NRG3: variants seen among roughly 807,000 people sequenced by gnomAD.
NRG3 encodes pro-neuregulin-3, membrane-bound isoform.
In NRG3, 31 loss-of-function variants were observed where a neutral mutation model predicts 66.9. The ratio of observed to expected loss-of-function variants is 0.46; its 90% CI spans 0.35 to 0.63. The LOEUF (loss-of-function observed/expected upper bound fraction) is 0.63, where lower values mean the gene tolerates loss of function less well. NRG3 is among the 20% of genes least tolerant of loss of function. The pLI is 0.00. For synonymous variants in NRG3, 393 were observed against 359.4 expected, an observed-to-expected ratio of 1.09 and a Z score of -1.06; for missense variants, 910 against 878.9, an observed-to-expected ratio of 1.04 and a Z score of -0.45.
intron 1 of NRG3, among the ~76,000 whole-genome samples, chr10:82,266,464 C>G (rs2078301923): frequency 6.6e-6 from 1 of 152,098 alleles, no homozygotes; most frequent in Non-Finnish European, 1.5e-5. Flanking sequence ...GAAGACAAGC[C>G]TCAATAACTT....
chr10:82,032,411 T>TG (rs35655299), intron 1 of NRG3, among the ~76,000 whole-genome samples: 50 of 150,748 alleles, frequency 3.3e-4, no homozygotes, highest in African/African-American at 9.0e-4. Flanking sequence ...TTGTTGTTGT[T>TG]TTTTCTAATG....
At chr10:81,890,598 C>G (rs377021683) in intron 1 of NRG3, among the ~76,000 whole-genome samples, 9 of 152,296 alleles carry the variant, frequency 5.9e-5, no homozygotes, top group East Asian at 3.9e-4. Flanking sequence ...ACTCTCAGCT[C>G]CCTGGTATTC....
At chr10:82,112,681 A>G (rs2067459141) in intron 1 of NRG3, among the ~76,000 whole-genome samples, 1 of 152,138 alleles carries the variant, frequency 6.6e-6, no homozygotes, top group Admixed American at 6.6e-5. Context: ...GGATCTTACA[A>G]ATTTAGGTGA....
At chr10:82,603,080 G>T (rs1012547710) in intron 2 of NRG3, among the ~76,000 whole-genome samples, 1 of 152,172 alleles carries the variant, frequency 6.6e-6, no homozygotes, top group East Asian at 1.9e-4. Context: ...TGGAAGATGT[G>T]TTATTGTTTT....
chr10:82,672,908 C>A (rs181925119), intron 2 of NRG3, among the ~76,000 whole-genome samples: 1 of 152,302 alleles, frequency 6.6e-6, no homozygotes, highest in East Asian at 1.9e-4. Context: ...CACCACCACA[C>A]CCGGCTAATT....
At chr10:82,627,183 G>A (rs747529528) in intron 2 of NRG3, among the ~76,000 whole-genome samples, 1 of 152,082 alleles carries the variant, frequency 6.6e-6, no homozygotes, top group East Asian at 1.9e-4. Context: ...GCCTCCATCC[G>A]TAGACTTCCT....
intron 8 of NRG3, among the ~76,000 whole-genome samples, chr10:82,980,029 C>A (rs1196019118): frequency 6.6e-6 from 1 of 151,834 alleles, no homozygotes; most frequent in Non-Finnish European, 1.5e-5. Flanking sequence ...CATGGCAAAA[C>A]CCCATCTCTA....
intron 2 of NRG3, among the ~76,000 whole-genome samples, chr10:82,555,343 CT>C (rs1438744145): frequency 6.6e-6 from 1 of 152,104 alleles, no homozygotes; most frequent in African/African-American, 2.4e-5. Context: ...CAGAACATTG[CT>C]GGAGAAAACC....
chr10:82,846,629 G>C (rs1272096600), intron 3 of NRG3, among the ~76,000 whole-genome samples: 1 of 152,154 alleles, frequency 6.6e-6, no homozygotes, highest in East Asian at 1.9e-4. Context: ...GGAAGATTTT[G>C]AGAGTAATGT....
At chr10:82,736,685 ATCTTTCCTTATTT>A (rs1446085272) in intron 2 of NRG3, among the ~76,000 whole-genome samples, 1 of 152,240 alleles carries the variant, frequency 6.6e-6, no homozygotes, top group Non-Finnish European at 1.5e-5. Context: ...AATTTCAAAC[ATCTTTCCTTATTT>A]TCTTTCCCAC....
chr10:82,400,494 G>A (rs894191019), intron 2 of NRG3, among the ~76,000 whole-genome samples: 2 of 151,958 alleles, frequency 1.3e-5, no homozygotes, highest in Non-Finnish European at 2.9e-5. Context: ...TGACACACAT[G>A]CTGCTGATCC....
At chr10:82,416,053 C>A (rs1344774266) in intron 2 of NRG3, among the ~76,000 whole-genome samples, 1 of 152,126 alleles carries the variant, frequency 6.6e-6, no homozygotes, top group African/African-American at 2.4e-5. Flanking sequence ...TAGAGATAGT[C>A]AATATTTAAT....
chr10:82,908,460 G>T (rs555076586), intron 4 of NRG3, among the ~76,000 whole-genome samples: 1 of 152,274 alleles, frequency 6.6e-6, no homozygotes, highest in Admixed American at 6.5e-5. Context: ...AGCATGAAAA[G>T]CTTTAATTCA....
chr10:82,517,424 G>C (rs1449316482), intron 2 of NRG3, among the ~76,000 whole-genome samples: 1 of 152,128 alleles, frequency 6.6e-6, no homozygotes, highest in Non-Finnish European at 1.5e-5. Context: ...TATTCAGTTT[G>C]AACACTGTCC....
intron 2 of NRG3, among the ~76,000 whole-genome samples, chr10:82,705,325 G>C (rs2056205341): frequency 6.6e-6 from 1 of 152,172 alleles, no homozygotes; most frequent in African/African-American, 2.4e-5. Context: ...GTTAGACAAT[G>C]CTAACACTGC....
chr10:82,268,258 C>T (rs1330408940), intron 1 of NRG3, among the ~76,000 whole-genome samples: 1 of 152,064 alleles, frequency 6.6e-6, no homozygotes, highest in Non-Finnish European at 1.5e-5. Context: ...GAGGAGAAAA[C>T]TGAGGCTTCA....
chr10:82,005,578 G>C (rs1000619637), intron 1 of NRG3, among the ~76,000 whole-genome samples: 3 of 152,106 alleles, frequency 2.0e-5, no homozygotes, highest in Non-Finnish European at 4.4e-5. Flanking sequence ...CATTGTGTTG[G>C]TTTCCTGATA....
chr10:82,213,798 A>C (rs187971920), intron 1 of NRG3, among the ~76,000 whole-genome samples: 134 of 152,332 alleles, frequency 8.8e-4, no homozygotes, highest in African/African-American at 2.8e-3. Context: ...CAGAAACAGA[A>C]GACACAACAA....
intron 4 of NRG3, among the ~76,000 whole-genome samples, chr10:82,895,904 T>C (rs1031017939): frequency 6.6e-6 from 1 of 152,228 alleles, no homozygotes; most frequent in South Asian, 2.1e-4. Flanking sequence ...GTTGGTAAAT[T>C]ATAGATAATT....
Sources: allele counts gnomAD v4.1 joint callset (sites outside exome capture counted in the v4.1 genomes callset), GRCh38; gene constraint gnomAD v4.1.1; transcripts MANE v1.5; gene names NCBI Gene and HGNC (gene_info 2026-07-23, HGNC 2026-07-21).